The following EXOC6B variants were observed in gnomAD, a reference collection of about 807,000 sequenced individuals.
The protein encoded by EXOC6B is SEC15 homolog B.
EXOC6B carries 54 observed loss-of-function variants against 113.5 expected under a neutral mutation model. That is an observed-to-expected ratio of 0.48 (90% CI 0.38 to 0.60). The LOEUF is 0.60. Ranked by LOEUF, EXOC6B falls within the 20% of genes least tolerant of loss-of-function variation. EXOC6B has a pLI of 0.00. For synonymous variants in EXOC6B, 357 were observed against 339.0 expected (o/e 1.05, Z -0.58); for missense variants, 797 against 977.5 (o/e 0.82, Z 2.46).
intron 20 of EXOC6B, among the ~76,000 whole-genome samples, chr2:72,203,994 C>A (rs1034423045): frequency 6.6e-6 from 1 of 152,268 alleles, no homozygotes; most frequent in Admixed American, 6.5e-5. Context: ...CATAGCCCTA[C>A]AATGGGAAGG....
At chr2:72,418,618 G>C (rs886787232) in intron 18 of EXOC6B, among the ~76,000 whole-genome samples, 2 of 151,912 alleles carry the variant, frequency 1.3e-5, no homozygotes, top group Non-Finnish European at 1.5e-5. Flanking sequence ...TCTAATATTA[G>C]CATAGTTGTC....
At chr2:72,318,372 T>TA (rs373889137) in intron 20 of EXOC6B, among the ~76,000 whole-genome samples, 68 of 152,246 alleles carry the variant, frequency 4.5e-4, no homozygotes, top group African/African-American at 1.4e-3. Flanking sequence ...GGCACTTAAT[T>TA]ACATGCTGTA....
intron 6 of EXOC6B, among the ~76,000 whole-genome samples, chr2:72,590,200 T>C (rs765562499): frequency 1.3e-5 from 2 of 152,002 alleles, no homozygotes; most frequent in Non-Finnish European, 2.9e-5. Context: ...CAACTTATCA[T>C]AGACAAAAAC....
chr2:72,416,656 C>CT (rs1256394907), intron 18 of EXOC6B, among the ~76,000 whole-genome samples: 2 of 152,146 alleles, frequency 1.3e-5, no homozygotes, highest in Non-Finnish European at 1.5e-5. Flanking sequence ...TTACTGTTCT[C>CT]TGAGGCTGCT....
intron 16 of EXOC6B, among the ~76,000 whole-genome samples, chr2:72,487,516 A>G (rs1331398432): frequency 6.6e-6 from 1 of 151,994 alleles, no homozygotes; most frequent in Non-Finnish European, 1.5e-5. Flanking sequence ...ACGTGCCACC[A>G]TGCCCAGCTA....
At chr2:72,789,449 C>G (rs952069411) in intron 1 of EXOC6B, among the ~76,000 whole-genome samples, 1 of 152,194 alleles carries the variant, frequency 6.6e-6, no homozygotes, top group Non-Finnish European at 1.5e-5. Flanking sequence ...CTTGGAGACA[C>G]TGGCATTCTT....
intron 19 of EXOC6B, among the ~76,000 whole-genome samples, chr2:72,340,558 C>T (rs926885235): frequency 6.6e-6 from 1 of 152,158 alleles, no homozygotes; most frequent in African/African-American, 2.4e-5. Context: ...TTCCAGTAAA[C>T]TTCCAGTTTA....
chr2:72,521,428 C>T (rs1701480680), intron 8 of EXOC6B, among the ~76,000 whole-genome samples: 1 of 152,050 alleles, frequency 6.6e-6, no homozygotes, highest in Non-Finnish European at 1.5e-5. Context: ...AATTCAGGAT[C>T]CTATTTTCAA....
At chr2:72,802,394 T>C (rs1471394070) in intron 1 of EXOC6B, among the ~76,000 whole-genome samples, 1 of 151,980 alleles carries the variant, frequency 6.6e-6, no homozygotes, top group Non-Finnish European at 1.5e-5. Context: ...TGGCTAAATA[T>C]ATTGTGCAAT....
intron 18 of EXOC6B, among the ~76,000 whole-genome samples, chr2:72,441,159 G>T (rs1268506187): frequency 6.6e-6 from 1 of 152,074 alleles, no homozygotes; most frequent in African/African-American, 2.4e-5. Context: ...GTCTGAAAAA[G>T]ATCTTATTTC....
At chr2:72,289,154 C>A (rs62149274) in intron 20 of EXOC6B, 4 of 216,088 alleles carry the variant, frequency 1.9e-5, no homozygotes, top group Non-Finnish European at 3.7e-5. Flanking sequence ...GGCTCATGGG[C>A]CAAAAAAAAA....
Position 72,212,860 on chromosome 2 carries a change from T to C in EXOC6B, c.2197-28673A>G, listed in dbSNP as rs562653451. Among the ~76,000 whole-genome samples the C allele has an allele frequency of 2.6e-5, 4 of 152,268 alleles. No homozygotes were observed. In the East Asian group the frequency reaches 7.7e-4, roughly 29 times the overall value. Reference sequence around the variant, plus strand: ...TGAAGGAGAACCTTAAGTGGTGTAGTAGAGTGTGTTTCCAAAGATGGCTGC... The same window carrying C: ...TGAAGGAGAACCTTAAGTGGTGTAGCAGAGTGTGTTTCCAAAGATGGCTGC... On this transcript the variant is annotated intron_variant, in intron 20 of 21. Coordinates refer to ENST00000272427, the MANE Select transcript of EXOC6B (RefSeq NM_015189.3).
At chr2:72,523,355 C>T (rs1701588898) in intron 8 of EXOC6B, among the ~76,000 whole-genome samples, 1 of 152,148 alleles carries the variant, frequency 6.6e-6, no homozygotes, top group South Asian at 2.1e-4. Flanking sequence ...GAGCTCCATG[C>T]CTCTAAACAT....
intron 20 of EXOC6B, among the ~76,000 whole-genome samples, chr2:72,193,171 C>T (rs770394237): frequency 3.5e-4 from 53 of 152,176 alleles, no homozygotes; most frequent in Non-Finnish European, 1.2e-4. Context: ...TGAGGGTCCT[C>T]TGACTGATAG....
intron 6 of EXOC6B, among the ~76,000 whole-genome samples, chr2:72,621,550 G>A (rs1477279437): frequency 6.6e-6 from 1 of 151,954 alleles, no homozygotes; most frequent in Non-Finnish European, 1.5e-5. Flanking sequence ...CTACCTATTG[G>A]GTACTATGCT....
intron 20 of EXOC6B, among the ~76,000 whole-genome samples, chr2:72,268,966 G>A (rs1479957918): frequency 2.6e-4 from 40 of 152,060 alleles, no homozygotes; most frequent in African/African-American, 2.4e-5. Context: ...TTTCTTTATA[G>A]CAATCCAAGA....
chr2:72,695,853 C>G (rs533743302), intron 6 of EXOC6B, among the ~76,000 whole-genome samples: 1 of 152,298 alleles, frequency 6.6e-6, no homozygotes, highest in East Asian at 1.9e-4. Flanking sequence ...AAGGCTCACT[C>G]CAGTGCAGTG....
chr2:72,414,881 T>G (rs1013176894), intron 18 of EXOC6B, among the ~76,000 whole-genome samples: 1 of 149,906 alleles, frequency 6.7e-6, no homozygotes, highest in South Asian at 2.1e-4. Flanking sequence ...TTCTATGACA[T>G]TTCTTTTATT....
At chr2:72,694,751 C>T (rs1278077482) in intron 6 of EXOC6B, among the ~76,000 whole-genome samples, 2 of 152,142 alleles carry the variant, frequency 1.3e-5, no homozygotes, top group Admixed American at 1.3e-4. Flanking sequence ...TACACATGGC[C>T]GGAGTCACCT....
Sources: allele counts gnomAD v4.1 joint callset (sites outside exome capture counted in the v4.1 genomes callset), GRCh38; gene constraint gnomAD v4.1.1; transcripts MANE v1.5; gene names NCBI Gene and HGNC (gene_info 2026-07-23, HGNC 2026-07-21).